The following NEU2 variants were observed in gnomAD, a reference collection of about 807,000 sequenced individuals.
The protein encoded by NEU2 is sialidase-2.
A neutral mutation model predicts 6.3 loss-of-function variants in NEU2; 7 were observed. The ratio of observed to expected loss-of-function variants is 1.12; its 90% confidence interval spans 0.63 to 2.10. The LOEUF is 2.10. Ranked by LOEUF, NEU2 falls within the 30% of genes most tolerant of loss-of-function variation. The pLI is 0.00. For missense variants in NEU2, 509 were observed against 504.0 expected, an observed-to-expected ratio of 1.01 and a Z score of -0.09; for synonymous variants, 208 against 223.3, an observed-to-expected ratio of 0.93 and a Z score of 0.61.
At chr2:233,033,893 A>G (rs1199748786) in intron 1 of NEU2, among the ~76,000 whole-genome samples, 35 of 152,192 alleles carry the variant, frequency 2.3e-4, no homozygotes, top group Non-Finnish European at 8.8e-5. Flanking sequence ...AGAATCACTC[A>G]GCCGAGTGTG....
Position 233,032,692 on chromosome 2 carries a change from G to A in NEU2, c.21G>A (p.Leu7=), listed in dbSNP as rs374378659. 15 of 1,614,110 alleles carry A rather than the reference G, an allele frequency of 9.3e-6. No homozygotes were observed. The highest frequency in any genetic ancestry group is 1.3e-5 in the African/African-American group (1 of 74,942). Residue 7 remains leucine (L), a synonymous_variant, in exon 1 of 2, where the codon CTG becomes CTA. Transcript: ENST00000233840. MASLPV[L]QKESVFQSGA... is the part of the protein sequence containing the mutation. Reference sequence around the variant, plus strand: ...GCCCCATGGCGTCCCTTCCTGTCCTGCAGAAGGAGAGCGTGTTCCAGTCGG... The same window carrying A: ...GCCCCATGGCGTCCCTTCCTGTCCTACAGAAGGAGAGCGTGTTCCAGTCGG...
chr2:233,033,605 T>C (rs1690544388), intron 1 of NEU2, among the ~76,000 whole-genome samples: 1 of 152,182 alleles, frequency 6.6e-6, no homozygotes. Flanking sequence ...TGACATAGAC[T>C]TGGGGATTCT....
chr2:233,034,994 G>C lies in NEU2; in HGVS notation c.1080G>C (p.Glu360Asp). The change falls in exon 2 of 2, where the codon GAG becomes GAC. Residue 360 changes from glutamate to aspartate, a missense_variant. Physicochemically the swap from Glu to Asp is conservative, Grantham distance 45 (BLOSUM62 2). Coordinates refer to ENST00000233840, the MANE Select transcript of NEU2 (RefSeq NM_005383.2). The surrounding 1 kb of genome is among the most constrained non-coding windows in gnomAD (Gnocchi z 4.8). Reference sequence around the variant, plus strand: ...GTCTGTACGAAGCCAATGATTACGAGGAGATTGTCTTTCTCATGTTCACCC... The same window carrying C: ...GTCTGTACGAAGCCAATGATTACGACGAGATTGTCTTTCTCATGTTCACCC... Reference protein sequence around the residue: ...FGCLYEANDYEEIVFLMFTLK... With the variant: ...FGCLYEANDYDEIVFLMFTLK... 6.2e-7 allele frequency: 1 copy of C among 1,613,924 alleles called. No individual in the cohort carries two copies. The highest frequency in any genetic ancestry group is 8.5e-7 in the Non-Finnish European group (1 of 1,179,880).
rs1690562007 is a variant in NEU2, at chr2:233,034,559, C to T, written c.645C>T (p.Asp215=). ...CGCGAGGGCACTTTGTGGCCCAGGA[C>T]ACCCTGGAGTGCCAGGTGGCCGAAG... ...TWARGHFVAQ[D]TLECQVAEVE... Residue 215 remains aspartate, a synonymous_variant, in exon 2 of 2, where the codon GAC becomes GAT. Coordinates refer to ENST00000233840, the MANE Select transcript of NEU2 (RefSeq NM_005383.2). The surrounding 1 kb of genome is among the most constrained non-coding windows in gnomAD (Gnocchi z 4.8). 6.2e-7 allele frequency: 1 copy of T among 1,614,104 alleles called. No homozygotes were observed. The highest frequency in any genetic ancestry group is 1.3e-5 in the African/African-American group (1 of 75,070).
chr2:233,034,203 A>G lies in NEU2; in HGVS notation c.289A>G (p.Thr97Ala). 1 of 1,613,888 alleles carries G rather than the reference A, an allele frequency of 6.2e-7. No homozygotes were observed. Among genetic ancestry groups the G allele is most frequent in the Non-Finnish European group, 8.5e-7 (1 of 1,179,968 alleles). Residue 97 changes from threonine to alanine, a missense_variant, in exon 2 of 2, where the codon ACC (threonine) becomes GCC (alanine). Transcript: ENST00000233840. This position sits in a 1 kb window ranked among gnomAD's most constrained non-coding sequence, Gnocchi z 4.8. Reference protein sequence around the residue: ...PCPLYDAQTGTLFLFFIAIPG... With the variant: ...PCPLYDAQTGALFLFFIAIPG... ...CCCCTTGTATGACGCGCAGACGGGGACCCTCTTCCTCTTCTTCATTGCCAT... is the reference window on the plus strand; with the variant it reads ...CCCCTTGTATGACGCGCAGACGGGGGCCCTCTTCCTCTTCTTCATTGCCAT...
In NEU2 at chr2:233,034,938, A is replaced by T. The variant is rs1690568805; in HGVS notation, c.1024A>T (p.Thr342Ser). The change falls in exon 2 of 2, where the codon ACC becomes TCC. Residue 342 changes from threonine (T) to serine (S), a missense_variant. Thr to Ser is a moderately conservative substitution (Grantham distance 58). Coordinates refer to ENST00000233840, the MANE Select transcript of NEU2 (RefSeq NM_005383.2). The surrounding 1 kb of genome is among the most constrained non-coding windows in gnomAD (Gnocchi z 4.8). The part of the protein sequence containing the change: ...CAYSDLQSMG[T>S]GPDGSPLFGC... ...CTACTCAGACCTCCAGAGCATGGGC[A>T]CCGGCCCTGATGGGTCCCCCTTGTT... 1 of 1,614,050 alleles carries T rather than the reference A, an allele frequency of 6.2e-7. No homozygotes were observed. Among genetic ancestry groups the T allele is most frequent in the Non-Finnish European group, 8.5e-7 (1 of 1,180,034 alleles).
chr2:233,033,119 C>T lies in NEU2; in HGVS notation c.201+247C>T, dbSNP rs557424137. On this transcript the variant is annotated intron_variant, in intron 1 of 1. Transcript: ENST00000233840. ...AAGATTGAATGAGTTGCCCAGCATC[C>T]GTGATGACCTCACGGAGGAATAGTT... Among the ~76,000 whole-genome samples the T allele has an allele frequency of 2.4e-3, 362 of 152,262 alleles. 1 individual carries two copies. Among genetic ancestry groups the T allele is most frequent in the Non-Finnish European group, 4.3e-3 (295 of 68,028 alleles).
intron 1 of NEU2, among the ~76,000 whole-genome samples, 162 bp from the exon 2 acceptor site, chr2:233,033,954 A>G (rs1690550182): frequency 6.6e-6 from 1 of 152,116 alleles, no homozygotes; most frequent in Non-Finnish European, 1.5e-5. Context: ...CTCTGGGGAA[A>G]CGTTGCAAGG....
chr2:233,032,761 G>T lies in NEU2; in HGVS notation c.90G>T (p.Gly30=). 6.2e-7 allele frequency: 1 copy of T among 1,614,244 alleles called. No homozygotes were observed. The highest frequency in any genetic ancestry group is 8.5e-7 in the Non-Finnish European group (1 of 1,180,046). The change falls in exon 1 of 2, where the codon GGG becomes GGT. Residue 30 remains glycine (G), a synonymous_variant. Coordinates refer to ENST00000233840, the MANE Select transcript of NEU2 (RefSeq NM_005383.2). ...TCCCTGCCCTGCTCTACCTGCCTGG[G>T]CAGCAGTCCCTGCTGGCCTTCGCGG... ...YRIPALLYLP[G]QQSLLAFAEQ...
Position 233,034,200 on chromosome 2 carries a change from G to A in NEU2, c.286G>A (p.Gly96Arg). The A allele has an allele frequency of 1.3e-5, 21 of 1,614,126 alleles. No individual in the cohort carries two copies. The highest frequency in any genetic ancestry group is 1.8e-5 in the Non-Finnish European group (21 of 1,180,016). The part of the protein sequence containing the change: ...NPCPLYDAQT[G>R]TLFLFFIAIP... ...ATGCCCCTTGTATGACGCGCAGACG[G>A]GGACCCTCTTCCTCTTCTTCATTGC... The change falls in exon 2 of 2, where the codon GGG becomes AGG. Residue 96 changes from glycine to arginine, a missense_variant. Gly to Arg is a moderately radical substitution (Grantham distance 125). Coordinates refer to ENST00000233840, the MANE Select transcript of NEU2 (RefSeq NM_005383.2). This position sits in a 1 kb window ranked among gnomAD's most constrained non-coding sequence, Gnocchi z 4.8.
chr2:233,034,692 C>T lies in NEU2; in HGVS notation c.778C>T (p.Leu260=). 1 of 1,553,806 alleles carries T rather than the reference C, an allele frequency of 6.4e-7. No homozygotes were observed. Among genetic ancestry groups the T allele is most frequent in the Middle Eastern group, 1.7e-4 (1 of 5,778 alleles). ...NDGLDFQESQ[L]VKKLVEPPPQ... is the part of the protein sequence containing the mutation. ...CGGGCTTGATTTCCAGGAGTCTCAG[C>T]TGGTGAAGAAGCTGGTGGAGCCGCC... The change falls in exon 2 of 2, where the codon CTG becomes TTG. Residue 260 remains leucine, a synonymous_variant. Coordinates refer to ENST00000233840, the MANE Select transcript of NEU2 (RefSeq NM_005383.2). The surrounding 1 kb of genome is among the most constrained non-coding windows in gnomAD (Gnocchi z 4.8).
chr2:233,034,184 G>C lies in NEU2; in HGVS notation c.270G>C (p.Leu90Phe), dbSNP rs1179773920. The change falls in exon 2 of 2, where the codon TTG becomes TTC. Residue 90 changes from leucine to phenylalanine, a missense_variant. Physicochemically the swap from Leu to Phe is conservative, Grantham distance 22. Transcript: ENST00000233840. This position sits in a 1 kb window ranked among gnomAD's most constrained non-coding sequence, Gnocchi z 4.8. The part of the protein sequence containing the change: ...DGHRSMNPCP[L>F]YDAQTGTLFL... ...ACCGGTCCATGAACCCATGCCCCTTGTATGACGCGCAGACGGGGACCCTCT... is the reference window on the plus strand; with the variant it reads ...ACCGGTCCATGAACCCATGCCCCTTCTATGACGCGCAGACGGGGACCCTCT... The C allele has an allele frequency of 6.2e-7, 1 of 1,614,030 alleles. No homozygotes were observed. The highest frequency in any genetic ancestry group is 8.5e-7 in the Non-Finnish European group (1 of 1,180,024).
Position 233,034,205 on chromosome 2 carries a change from C to A in NEU2, c.291C>A (p.Thr97=), listed in dbSNP as rs1282428717. The change falls in exon 2 of 2, where the codon ACC becomes ACA. Residue 97 remains threonine (T), a synonymous_variant. Transcript: ENST00000233840. This position sits in a 1 kb window ranked among gnomAD's most constrained non-coding sequence, Gnocchi z 4.8. Reference sequence around the variant, plus strand: ...CCTTGTATGACGCGCAGACGGGGACCCTCTTCCTCTTCTTCATTGCCATCC... The same window carrying A: ...CCTTGTATGACGCGCAGACGGGGACACTCTTCCTCTTCTTCATTGCCATCC... ...PCPLYDAQTG[T]LFLFFIAIPG... 3.7e-6 allele frequency: 6 copies of A among 1,614,156 alleles called. No individual in the cohort carries two copies. The highest frequency in any genetic ancestry group is 5.1e-6 in the Non-Finnish European group (6 of 1,180,032).
At chr2:233,033,701 A>T (rs1690545472) in intron 1 of NEU2, among the ~76,000 whole-genome samples, 1 of 152,134 alleles carries the variant, frequency 6.6e-6, no homozygotes, top group Admixed American at 6.5e-5. Flanking sequence ...TCTGTCTTGT[A>T]CTGGTCAGGT....
In NEU2 at chr2:233,034,490, C is replaced by T. The variant is rs770836974; in HGVS notation, c.576C>T (p.Pro192=). 6.2e-6 allele frequency: 10 copies of T among 1,614,062 alleles called. No individual in the cohort carries two copies. In the African/African-American group the frequency reaches 8.0e-5, roughly 13 times the overall value. ...TTCACCCCATCCAAAGGCCGATCCC[C>T]TCTGCCTTCTGCTTCCTCAGCCATG... ...RKLHPIQRPI[P]SAFCFLSHDH... Residue 192 remains proline (P), a synonymous_variant, in exon 2 of 2, where the codon CCC becomes CCT. Coordinates refer to ENST00000233840, the MANE Select transcript of NEU2 (RefSeq NM_005383.2). This position sits in a 1 kb window ranked among gnomAD's most constrained non-coding sequence, Gnocchi z 4.8.
chr2:233,034,338 C>T lies in NEU2; in HGVS notation c.424C>T (p.Leu142Phe). The part of the protein sequence containing the change: ...HGRTWSSPRD[L>F]TDAAIGPAYR... The stretch of plus-strand genomic sequence containing the variant: ...GAGGACCTGGAGCTCCCCCAGAGAC[C>T]TCACTGATGCGGCCATCGGCCCAGC... The change falls in exon 2 of 2, where the codon CTC (leucine) becomes TTC (phenylalanine). Residue 142 changes from leucine to phenylalanine, a missense_variant. Coordinates refer to ENST00000233840, the MANE Select transcript of NEU2 (RefSeq NM_005383.2). This position sits in a 1 kb window ranked among gnomAD's most constrained non-coding sequence, Gnocchi z 4.8. 6.2e-7 allele frequency: 1 copy of T among 1,614,096 alleles called. No homozygotes were observed. The highest frequency in any genetic ancestry group is 1.3e-5 in the African/African-American group (1 of 75,060).
At position 233,032,891 on chromosome 2, in the gene NEU2, G is replaced by A; in HGVS notation, c.201+19G>A. The A allele has an allele frequency of 6.4e-7, 1 of 1,568,668 alleles. No individual in the cohort carries two copies. Among genetic ancestry groups the A allele is most frequent in the South Asian group, 1.2e-5 (1 of 86,664 alleles). ...GGTTCAGGTGAGGCAGGAGGTGTCT[G>A]CACTGGCTCCCCAGGGCTCTGCCAC... On this transcript the variant is annotated intron_variant, in intron 1 of 1. Transcript: ENST00000233840.
rs1300993178 is a variant in NEU2, at chr2:233,034,776, TC to T, written c.866del (p.Pro289GlnfsTer81). On this transcript the variant is annotated frameshift_variant, in exon 2 of 2. Coordinates refer to ENST00000233840, the MANE Select transcript of NEU2 (RefSeq NM_005383.2). LOFTEE classifies it low-confidence loss of function (END_TRUNC). The surrounding 1 kb of genome is among the most constrained non-coding windows in gnomAD (Gnocchi z 4.8). ...CCCCAGCCCCCGCTCGGGGCCTGGCTCCCCAGCCCAGTGGCTGCTCTACACT... is the reference window on the plus strand; with the variant it reads ...CCCCAGCCCCCGCTCGGGGCCTGGCTCCCAGCCCAGTGGCTGCTCTACACT... Reference protein sequence around the residue: ...SFPSPRSGPGSPAQWLLYTHP... With the variant: ...SFPSPRSGPGXPAQWLLYTHP... 2.0e-6 allele frequency: 3 copies of T among 1,538,106 alleles called. No individual in the cohort carries two copies. In the Admixed American group the frequency reaches 6.1e-5, roughly 31 times the overall value.
Position 233,034,708 on chromosome 2 carries a change from T to A in NEU2, c.794T>A (p.Val265Glu), listed in dbSNP as rs538708272. 1.2e-5 allele frequency: 18 copies of A among 1,546,934 alleles called. No homozygotes were observed. In the East Asian group the frequency reaches 4.1e-4, roughly 35 times the overall value. The change falls in exon 2 of 2, where the codon GTG becomes GAG. Residue 265 changes from valine to glutamate, a missense_variant. By Grantham distance (121) the Val-to-Glu change is moderately radical. Coordinates refer to ENST00000233840, the MANE Select transcript of NEU2 (RefSeq NM_005383.2). This position sits in a 1 kb window ranked among gnomAD's most constrained non-coding sequence, Gnocchi z 4.8. ...GAGTCTCAGCTGGTGAAGAAGCTGG[T>A]GGAGCCGCCGCCCCAGGGCTGCCAG... ...FQESQLVKKLVEPPPQGCQGS... is the reference protein window; with the variant it reads ...FQESQLVKKLEEPPPQGCQGS...
Sources: gnomAD v4.1 joint callset for allele counts (sites outside exome capture counted in the v4.1 genomes callset) on GRCh38, gnomAD v4.1.1 for gene constraint, Gnocchi (gnomAD v3.1) non-coding constraint, MANE v1.5 for transcripts, NCBI Gene and HGNC (gene_info 2026-07-23, HGNC 2026-07-21) for gene names.